ROBO1: variants seen among roughly 807,000 people sequenced by gnomAD.
ROBO1 encodes roundabout guidance receptor 1.
A neutral mutation model predicts 195.9 loss-of-function variants in ROBO1; 149 were observed. That is an observed-to-expected ratio of 0.76 (90% CI 0.67 to 0.87). The LOEUF (loss-of-function observed/expected upper bound fraction) is 0.87. Ranked by LOEUF, ROBO1 falls within the 40% of genes least tolerant of loss-of-function variation. The probability of loss-of-function intolerance (pLI) is 0.00; values close to 1 mark genes in which losing one functional copy is unlikely to be tolerated. For missense variants in ROBO1, 1,933 were observed against 2,068.3 expected (o/e 0.93, Z 1.27); for synonymous variants, 816 against 733.2 (o/e 1.11, Z -1.82).
chr3:79,683,396 G>A (rs1424530743), intron 1 of ROBO1, among the ~76,000 whole-genome samples: 2 of 151,952 alleles, frequency 1.3e-5, no homozygotes, highest in African/African-American at 4.8e-5. Context: ...CTAGTAATTT[G>A]AATGTGGAAA....
chr3:79,320,661 A>G (rs1304208564), intron 2 of ROBO1, among the ~76,000 whole-genome samples: 1 of 152,204 alleles, frequency 6.6e-6, no homozygotes, highest in Non-Finnish European at 1.5e-5. Flanking sequence ...ATGTTGGAAG[A>G]ACACAATCAT....
chr3:79,683,274 T>G (rs1947004304), intron 1 of ROBO1, among the ~76,000 whole-genome samples: 1 of 152,032 alleles, frequency 6.6e-6, no homozygotes, highest in Non-Finnish European at 1.5e-5. Flanking sequence ...CCTCTTCCTC[T>G]CTCTGTCATG....
At chr3:78,847,192 AT>A (rs1291845680) in intron 4 of ROBO1, among the ~76,000 whole-genome samples, 3 of 152,174 alleles carry the variant, frequency 2.0e-5, no homozygotes, top group Non-Finnish European at 4.4e-5. Context: ...CTGAGACATT[AT>A]CTTGACTAAA....
intron 2 of ROBO1, among the ~76,000 whole-genome samples, chr3:79,486,746 C>G (rs1000271415): frequency 1.6e-4 from 25 of 152,162 alleles, no homozygotes; most frequent in African/African-American, 5.8e-4. Context: ...CCAAAATATG[C>G]CATTTTGGCA....
intron 3 of ROBO1, among the ~76,000 whole-genome samples, chr3:79,081,361 G>C (rs1473869386): frequency 1.3e-5 from 2 of 152,070 alleles, no homozygotes; most frequent in Admixed American, 1.3e-4. Flanking sequence ...TGTCAGTGGT[G>C]GTGCCAGTGA....
At chr3:79,738,339 T>G (rs144070097) in intron 1 of ROBO1, among the ~76,000 whole-genome samples, 10 of 152,262 alleles carry the variant, frequency 6.6e-5, no homozygotes, top group African/African-American at 1.7e-4. Flanking sequence ...AATGCCAAAA[T>G]AAAATCTGAA....
At chr3:79,039,705 G>T (rs957064660) in intron 3 of ROBO1, among the ~76,000 whole-genome samples, 9 of 141,316 alleles carry the variant, frequency 6.4e-5, no homozygotes, top group Non-Finnish European at 1.2e-4. Flanking sequence ...TGAGGCAGGA[G>T]AATTGCTTGA....
At chr3:78,973,486 T>C (rs539289443) in intron 3 of ROBO1, among the ~76,000 whole-genome samples, 3 of 146,436 alleles carry the variant, frequency 2.0e-5, no homozygotes, top group Admixed American at 6.9e-5. Context: ...ATATATTATA[T>C]ATATAAGAAG....
chr3:78,937,605 T>G (rs139371203), intron 4 of ROBO1, among the ~76,000 whole-genome samples: 1 of 152,278 alleles, frequency 6.6e-6, no homozygotes, highest in East Asian at 1.9e-4. Context: ...AGCCCAATTC[T>G]TATTCAACTG....
intron 20 of ROBO1, 48 bp from the exon 21 acceptor site, chr3:78,646,238 A>G (rs777142778): frequency 1.3e-6 from 2 of 1,536,040 alleles, no homozygotes; most frequent in Non-Finnish European, 9.0e-7. Context: ...ACATATTTAT[A>G]TATCAAAAGC....
At chr3:78,883,775 C>T (rs1202845904) in intron 4 of ROBO1, among the ~76,000 whole-genome samples, 1 of 152,062 alleles carries the variant, frequency 6.6e-6, no homozygotes, top group Non-Finnish European at 1.5e-5. Flanking sequence ...CAATATCCAT[C>T]TAAAGACCTA....
intron 2 of ROBO1, among the ~76,000 whole-genome samples, chr3:79,151,769 G>A (rs1041771116): frequency 2.6e-5 from 4 of 151,622 alleles, no homozygotes; most frequent in Admixed American, 6.6e-5. Context: ...TCAAATTATA[G>A]GCCAAGCTCA....
chr3:78,884,866 C>CTCTGTGTGTGTG (rs1553756249), intron 4 of ROBO1, among the ~76,000 whole-genome samples: 2 of 147,180 alleles, frequency 1.4e-5, no homozygotes, highest in East Asian at 4.1e-4. Flanking sequence ...CTCTCTCTTT[C>CTCTGTGTGTGTG]TGTGTGTGTG....
At chr3:79,194,078 G>A (rs926926201) in intron 2 of ROBO1, among the ~76,000 whole-genome samples, 3 of 151,722 alleles carry the variant, frequency 2.0e-5, no homozygotes, top group South Asian at 4.1e-4. Flanking sequence ...AAATAAATAC[G>A]TAGAGTGGAT....
intron 3 of ROBO1, among the ~76,000 whole-genome samples, chr3:79,033,232 G>T (rs2078326709): frequency 6.6e-6 from 1 of 151,958 alleles, no homozygotes. Flanking sequence ...AGATATGTAT[G>T]GTCCAATTGT....
At chr3:79,287,929 T>A (rs368932148) in intron 2 of ROBO1, among the ~76,000 whole-genome samples, 1 of 152,118 alleles carries the variant, frequency 6.6e-6, no homozygotes, top group East Asian at 1.9e-4. Flanking sequence ...GTAAATTGAA[T>A]TCAGATGGAC....
chr3:78,902,381 T>C (rs2037641067), intron 4 of ROBO1, among the ~76,000 whole-genome samples: 2 of 152,124 alleles, frequency 1.3e-5, no homozygotes, highest in Non-Finnish European at 1.5e-5. Flanking sequence ...TTGCAAATGT[T>C]AGGTGACAGC....
rs757469885 is a variant in ROBO1 at position 78,938,732 on chromosome 3, G to T, written c.368C>A (p.Pro123Gln). The T allele has an allele frequency of 6.2e-7, 1 of 1,613,848 alleles. No homozygotes were observed. The highest frequency in any genetic ancestry group is 8.5e-7 in the Non-Finnish European group (1 of 1,179,878). ...ACGTAAGAAAAATAAAGATCCACTC[G>T]GCAGCAACATTCGGTGTGAGCGAGG... is the stretch of plus-strand genomic sequence containing the variant. ...DDPRSHRMLL[P>Q]SGSLFFLRIV... The change falls in exon 4 of 31, where the codon CCG (proline) becomes CAG (glutamine). Residue 123 changes from proline to glutamine, a missense_variant. By Grantham distance (76) the Pro-to-Gln change is moderately conservative. Transcript: ENST00000464233.
chr3:78,804,536 A>T (rs1266230312), intron 4 of ROBO1, among the ~76,000 whole-genome samples: 5 of 152,096 alleles, frequency 3.3e-5, no homozygotes, highest in African/African-American at 1.2e-4. Flanking sequence ...CTGGCAAAAG[A>T]GTCTTTTATT....
Sources: gnomAD v4.1 joint callset for allele counts (sites outside exome capture counted in the v4.1 genomes callset) on GRCh38, gnomAD v4.1.1 for gene constraint, MANE v1.5 for transcripts, NCBI Gene and HGNC (gene_info 2026-07-23, HGNC 2026-07-21) for gene names.